Variants in KYNU observed in about 807,000 individuals in gnomAD.
KYNU encodes the protein L-kynurenine hydrolase.
Under a neutral mutation model 59.2 loss-of-function variants are expected in KYNU, and 54 were observed. The observed-to-expected ratio is 0.91, with a 90% CI of 0.73 to 1.14. The LOEUF (loss-of-function observed/expected upper bound fraction) is 1.14, where lower values mean the gene tolerates loss of function less well. Among genes scored for constraint, KYNU ranks in the 50% most tolerant of loss-of-function variants. The pLI is 0.00. For synonymous variants in KYNU, 177 were observed against 192.0 expected, an observed-to-expected ratio of 0.92 and a Z score of 0.65; for missense variants, 567 against 554.4, an observed-to-expected ratio of 1.02 and a Z score of -0.23.
intron 2 of KYNU, 45 bp from the exon 3 acceptor site, chr2:142,918,564 A>G (rs1483367374): frequency 6.8e-7 from 1 of 1,474,628 alleles, no homozygotes; most frequent in East Asian, 2.5e-5. Context: ...CATACTGAAA[A>G]AGCTTTTATT....
intron 10 of KYNU, among the ~76,000 whole-genome samples, chr2:143,000,174 A>G (rs1685671513): frequency 6.6e-6 from 1 of 152,186 alleles, no homozygotes; most frequent in Non-Finnish European, 1.5e-5. Context: ...CTGTTGCTAC[A>G]TGGCAGAAAA....
chr2:143,028,673 C>T (rs1056294669), intron 10 of KYNU, among the ~76,000 whole-genome samples: 1 of 151,576 alleles, frequency 6.6e-6, no homozygotes, highest in Admixed American at 6.6e-5. Flanking sequence ...TGGTGAAACC[C>T]CGTCTCTACT....
chr2:143,018,640 A>G (rs971812210), intron 10 of KYNU, among the ~76,000 whole-genome samples: 7 of 151,138 alleles, frequency 4.6e-5, no homozygotes, highest in Admixed American at 1.3e-4. Context: ...GGTTCTCTCT[A>G]TATTTTAGAA....
At chr2:142,949,606 G>A (rs1187825047) in intron 4 of KYNU, among the ~76,000 whole-genome samples, 1 of 152,174 alleles carries the variant, frequency 6.6e-6, no homozygotes, top group Non-Finnish European at 1.5e-5. Context: ...GGAGTGGCTG[G>A]GACTCAGGGC....
chr2:142,951,699 A>G (rs552358147), intron 4 of KYNU, among the ~76,000 whole-genome samples: 2 of 152,366 alleles, frequency 1.3e-5, no homozygotes, highest in East Asian at 3.9e-4. Context: ...TTATAAGTGT[A>G]CACATTCTTG....
At chr2:142,896,449 T>C (rs1043656119) in intron 2 of KYNU, among the ~76,000 whole-genome samples, 3 of 152,230 alleles carry the variant, frequency 2.0e-5, no homozygotes, top group Non-Finnish European at 4.4e-5. Context: ...TAGAGAAATG[T>C]CTGCTCAAAT....
chr2:142,985,722 C>A (rs531935012), intron 9 of KYNU, among the ~76,000 whole-genome samples: 1 of 151,744 alleles, frequency 6.6e-6, no homozygotes, highest in African/African-American at 2.4e-5. Flanking sequence ...AAAATTGCCC[C>A]GTAAAAGTAA....
chr2:142,953,262 T>C (rs1684052739), intron 4 of KYNU, among the ~76,000 whole-genome samples: 2 of 152,166 alleles, frequency 1.3e-5, no homozygotes, highest in African/African-American at 2.4e-5. Context: ...ATGTAAAACA[T>C]AGGGAAGGAT....
chr2:142,923,797 C>G (rs1423071715), intron 3 of KYNU, among the ~76,000 whole-genome samples: 1 of 152,150 alleles, frequency 6.6e-6, no homozygotes. Context: ...AGTTTTGTCT[C>G]TACAGGGATT....
At chr2:142,897,425 C>A (rs1681917535) in intron 2 of KYNU, among the ~76,000 whole-genome samples, 1 of 152,148 alleles carries the variant, frequency 6.6e-6, no homozygotes, top group African/African-American at 2.4e-5. Flanking sequence ...AACAACACAA[C>A]AAATAAATCA....
chr2:142,979,608 G>C (rs998922001), intron 8 of KYNU, among the ~76,000 whole-genome samples: 1 of 152,004 alleles, frequency 6.6e-6, no homozygotes, highest in African/African-American at 2.4e-5. Context: ...AAGTCTATAT[G>C]GGGTATCTGA....
At chr2:142,930,851 C>A (rs569245328) in intron 4 of KYNU, among the ~76,000 whole-genome samples, 2 of 152,146 alleles carry the variant, frequency 1.3e-5, no homozygotes, top group East Asian at 3.8e-4. Flanking sequence ...GTTTCTGTAT[C>A]GGTTTGAACC....
intron 8 of KYNU, among the ~76,000 whole-genome samples, chr2:142,978,739 G>C (rs148522707): frequency 1.3e-5 from 2 of 152,032 alleles, no homozygotes; most frequent in Admixed American, 6.6e-5. Context: ...TAATAAGAGC[G>C]TATCAATGCA....
rs1217978144 is a variant in KYNU, at chr2:143,034,831, G to A, written c.1041+1510G>A. ...ATCAGCGAGATGTGTGACAATATCAGAAGCACCAGGACATACCTTAGGAAG... is the reference window on the plus strand; with the variant it reads ...ATCAGCGAGATGTGTGACAATATCAAAAGCACCAGGACATACCTTAGGAAG... On this transcript the variant is annotated intron_variant, in intron 12 of 13. Transcript: ENST00000264170. Among the ~76,000 whole-genome samples, 3 of 152,162 alleles carry A rather than the reference G, an allele frequency of 2.0e-5. No individual in the cohort carries two copies. The East Asian group carries it at 5.8e-4, about 29-fold the overall frequency.
intron 10 of KYNU, among the ~76,000 whole-genome samples, chr2:142,986,347 T>A (rs1321799428): frequency 6.6e-6 from 1 of 151,914 alleles, no homozygotes; most frequent in African/African-American, 2.4e-5. Context: ...AAATTTCAGA[T>A]TCCTCACGTT....
At chr2:143,017,398 G>A (rs1032752108) in intron 10 of KYNU, among the ~76,000 whole-genome samples, 6 of 147,726 alleles carry the variant, frequency 4.1e-5, no homozygotes, top group Non-Finnish European at 7.4e-5. Context: ...CAGGCTCACC[G>A]ACATTGGTTG....
At chr2:142,912,888 A>G (rs1281059661) in intron 2 of KYNU, among the ~76,000 whole-genome samples, 1 of 148,076 alleles carries the variant, frequency 6.8e-6, no homozygotes, top group East Asian at 2.0e-4. Context: ...TTTTTTTTGT[A>G]TTTTTAGTAG....
chr2:142,891,919 CTT>C (rs5834923), intron 2 of KYNU, among the ~76,000 whole-genome samples: 36 of 147,970 alleles, frequency 2.4e-4, no homozygotes, highest in South Asian at 2.1e-3. Flanking sequence ...GACATTGAGA[CTT>C]TTTTTTTTTT....
chr2:142,924,880 G>T (rs1461332644), intron 3 of KYNU, among the ~76,000 whole-genome samples: 2 of 152,082 alleles, frequency 1.3e-5, no homozygotes, highest in African/African-American at 4.8e-5. Flanking sequence ...CTTTACTTTG[G>T]GTTTATTTGG....
Sources: allele counts gnomAD v4.1 joint callset (sites outside exome capture counted in the v4.1 genomes callset), GRCh38; gene constraint gnomAD v4.1.1; transcripts MANE v1.5; gene names NCBI Gene and HGNC (gene_info 2026-07-23, HGNC 2026-07-21).